MAGI2: variants seen among roughly 807,000 people sequenced by gnomAD.
The protein encoded by MAGI2 is membrane-associated guanylate kinase, WW and PDZ domain-containing protein 2.
In MAGI2, 35 loss-of-function variants were observed where a neutral mutation model predicts 133.3. That is an observed-to-expected ratio of 0.26 (90% confidence interval 0.20 to 0.35). MAGI2 has a LOEUF of 0.35. MAGI2 is among the 10% of genes least tolerant of loss of function. MAGI2 has a pLI of 1.00. For synonymous variants in MAGI2, 729 were observed against 710.6 expected (o/e 1.03, Z -0.41); for missense variants, 1,636 against 1,863.4 (o/e 0.88, Z 2.25).
At chr7:78,990,386 A>G (rs1805643130) in intron 2 of MAGI2, among the ~76,000 whole-genome samples, 1 of 152,088 alleles carries the variant, frequency 6.6e-6, no homozygotes, top group Non-Finnish European at 1.5e-5. Flanking sequence ...TAATCTTCAC[A>G]TCCTCTACTT....
chr7:79,205,088 A>G (rs1279246525), intron 1 of MAGI2, among the ~76,000 whole-genome samples: 1 of 151,994 alleles, frequency 6.6e-6, no homozygotes, highest in African/African-American at 2.4e-5. Context: ...AAACTTCCCA[A>G]ACATGGAGAA....
intron 1 of MAGI2, among the ~76,000 whole-genome samples, chr7:79,252,165 A>C (rs1833339119): frequency 6.9e-6 from 1 of 144,824 alleles, no homozygotes; most frequent in Non-Finnish European, 1.5e-5. Context: ...TCAAAAAAAA[A>C]AAAAAAAAAA....
chr7:78,065,626 C>T, intron 21 of MAGI2: 1 of 700,644 alleles, frequency 1.4e-6, no homozygotes, highest in Non-Finnish European at 2.6e-6. Context: ...ATGCTTGTCA[C>T]TTTTCATGCA....
At chr7:78,127,058 C>T in intron 19 of MAGI2, 139 bp downstream of exon 19, 1 of 603,894 alleles carries the variant, frequency 1.7e-6, no homozygotes, top group South Asian at 2.6e-5. Flanking sequence ...AGGTGTTACC[C>T]CGATGTTACC....
chr7:78,358,031 A>G (rs571395369), intron 7 of MAGI2, among the ~76,000 whole-genome samples: 1 of 150,906 alleles, frequency 6.6e-6, no homozygotes, highest in South Asian at 2.1e-4. Context: ...GTTTCCTTTC[A>G]AATGTGTTCA....
intron 9 of MAGI2, among the ~76,000 whole-genome samples, chr7:78,290,993 T>C (rs574813299): frequency 6.3e-4 from 96 of 152,326 alleles, no homozygotes; most frequent in African/African-American, 2.3e-3. Context: ...AGGAAAGATC[T>C]AAAATTGACA....
intron 1 of MAGI2, chr7:79,125,200 G>A (rs140282728): frequency 1.1e-5 from 4 of 375,416 alleles, no homozygotes; most frequent in African/African-American, 2.1e-5. Context: ...TGACTATGGT[G>A]ATTCTGTGGA....
chr7:79,394,025 T>C (rs1844862578), intron 1 of MAGI2, among the ~76,000 whole-genome samples: 1 of 152,184 alleles, frequency 6.6e-6, no homozygotes, highest in Middle Eastern at 3.2e-3. Flanking sequence ...CAACTCATCA[T>C]GTACTGTTAG....
chr7:78,567,145 T>C (rs1801022593), intron 3 of MAGI2, among the ~76,000 whole-genome samples: 1 of 152,198 alleles, frequency 6.6e-6, no homozygotes, highest in Non-Finnish European at 1.5e-5. Flanking sequence ...TTAACTCTTT[T>C]GAAAAAGTAA....
chr7:78,529,573 C>G (rs10274709), intron 3 of MAGI2, among the ~76,000 whole-genome samples: 1 of 148,906 alleles, frequency 6.7e-6, no homozygotes, highest in African/African-American at 2.5e-5. Flanking sequence ...ATAGCACTAT[C>G]TAGTAAAAAT....
intron 1 of MAGI2, among the ~76,000 whole-genome samples, chr7:79,188,908 T>C (rs116802820): frequency 0.013 from 1,949 of 152,010 alleles, 73 homozygotes; most frequent in African/African-American, 0.045. Flanking sequence ...TCAGGCTCTC[T>C]AACTTACTTT....
chr7:78,829,297 G>A (rs1455667833), intron 2 of MAGI2, among the ~76,000 whole-genome samples: 2 of 151,954 alleles, frequency 1.3e-5, no homozygotes, highest in Non-Finnish European at 2.9e-5. Flanking sequence ...GTGAGACAAG[G>A]CAAAACATAT....
intron 2 of MAGI2, among the ~76,000 whole-genome samples, chr7:78,639,802 A>G (rs1179930955): frequency 1.3e-5 from 2 of 152,204 alleles, no homozygotes; most frequent in African/African-American, 4.8e-5. Context: ...TGGGCCAGAC[A>G]CTAAATGTTG....
intron 1 of MAGI2, among the ~76,000 whole-genome samples, chr7:79,285,631 C>G (rs1365834167): frequency 6.6e-6 from 1 of 152,044 alleles, no homozygotes; most frequent in East Asian, 1.9e-4. Context: ...TCTTTTAAAT[C>G]TTTAGACAAA....
intron 21 of MAGI2, among the ~76,000 whole-genome samples, chr7:78,029,105 C>T (rs538092989): frequency 6.6e-6 from 1 of 152,092 alleles, no homozygotes; most frequent in Non-Finnish European, 1.5e-5. Flanking sequence ...GATACCTGGA[C>T]AGTGCACTGT....
intron 1 of MAGI2, chr7:79,415,006 T>G (rs1037938845): frequency 2.0e-5 from 3 of 152,144 alleles, no homozygotes; most frequent in Middle Eastern, 3.2e-3. Context: ...ATCCAGTAAG[T>G]TTAAATGATG....
chr7:78,208,410 A>G (rs966638503), intron 10 of MAGI2, among the ~76,000 whole-genome samples: 1 of 152,174 alleles, frequency 6.6e-6, no homozygotes, highest in African/African-American at 2.4e-5. Flanking sequence ...AATGCAGGCA[A>G]GGTGAAAAGC....
At chr7:79,311,418 C>T (rs879387154) in intron 1 of MAGI2, among the ~76,000 whole-genome samples, 6 of 152,090 alleles carry the variant, frequency 3.9e-5, no homozygotes, top group Non-Finnish European at 7.4e-5. Context: ...TCAAAGTCGT[C>T]CTGGGCTGCA....
chr7:78,959,895 T>A (rs145723696), intron 2 of MAGI2, among the ~76,000 whole-genome samples: 30 of 152,318 alleles, frequency 2.0e-4, no homozygotes, highest in African/African-American at 7.2e-4. Flanking sequence ...GCAATTTCGA[T>A]ACCTGCTTTA....
Sources: allele counts gnomAD v4.1 joint callset (sites outside exome capture counted in the v4.1 genomes callset), GRCh38; gene constraint gnomAD v4.1.1; transcripts MANE v1.5; gene names NCBI Gene and HGNC (gene_info 2026-07-23, HGNC 2026-07-21).